The following WASF3 variants were observed in gnomAD, a reference collection of about 807,000 sequenced individuals.
The protein encoded by WASF3 is actin-binding protein WASF3.
Under a neutral mutation model 46.6 loss-of-function variants are expected in WASF3, and 11 were observed. The ratio of observed to expected loss-of-function variants is 0.24; its 90% CI spans 0.15 to 0.39. The LOEUF (loss-of-function observed/expected upper bound fraction) is 0.39, where lower values mean the gene tolerates loss of function less well. Among genes scored for constraint, WASF3 ranks in the 10% least tolerant of loss-of-function variants. The pLI is 1.00. For missense variants in WASF3, 576 were observed against 669.8 expected, an observed-to-expected ratio of 0.86 and a Z score of 1.55; for synonymous variants, 242 against 259.7, an observed-to-expected ratio of 0.93 and a Z score of 0.65.
chr13:26,540,767 G>A, the WASF3 span, among the ~76,000 whole-genome samples: 1 of 151,912 alleles, frequency 6.6e-6, no homozygotes, highest in African/African-American at 2.4e-5. Context: ...CTCCCTCCCC[G>A]ACCTTACACG....
intron 2 of WASF3, among the ~76,000 whole-genome samples, chr13:26,616,482 T>C (rs950074411): frequency 1.3e-5 from 2 of 152,258 alleles, no homozygotes; most frequent in African/African-American, 4.8e-5. Flanking sequence ...TCAAGAATTC[T>C]TTATATATTC....
At chr13:26,541,769 C>G in the WASF3 span, among the ~76,000 whole-genome samples, 1 of 152,134 alleles carries the variant, frequency 6.6e-6, no homozygotes, top group Non-Finnish European at 1.5e-5. Context: ...AGGCATGAGC[C>G]ACTGTGCCTG....
rs566824736 is a variant in WASF3 at position 26,601,404 on chromosome 13, C to A, written c.-108-11557C>A. On this transcript the variant is annotated intron_variant, in intron 1 of 9. Coordinates refer to ENST00000335327, the MANE Select transcript of WASF3 (RefSeq NM_006646.6). ...GTCATTTAATCATTATTCCTGTGCT[C>A]AAGGTTCTACAGAGATGAGGCCTGC... Among the ~76,000 whole-genome samples the A allele has an allele frequency of 9.0e-3, 1,366 of 152,292 alleles. 11 individuals carry two copies. The highest frequency in any genetic ancestry group is 0.017 in the Middle Eastern group (5 of 294).
chr13:26,551,965 CAA>C, the WASF3 span, among the ~76,000 whole-genome samples: 1 of 152,012 alleles, frequency 6.6e-6, no homozygotes, highest in Non-Finnish European at 1.5e-5. Context: ...TGTCACAGCA[CAA>C]AAAGGGATGG....
At chr13:26,545,711 C>A in the WASF3 span, among the ~76,000 whole-genome samples, 1 of 152,106 alleles carries the variant, frequency 6.6e-6, no homozygotes, top group African/African-American at 2.4e-5. Context: ...GCTCAAGTAT[C>A]CCCTTGCCTC....
intron 1 of WASF3, among the ~76,000 whole-genome samples, chr13:26,559,877 G>T (rs1386643210): frequency 7.3e-6 from 1 of 136,072 alleles, no homozygotes; most frequent in Non-Finnish European, 1.5e-5. Context: ...GAGTGCAGTG[G>T]TGTGATCTCG....
upstream of WASF3, among the ~76,000 whole-genome samples, chr13:26,554,143 C>CTTTCTTTCTTTCTTTCTTT: frequency 7.1e-6 from 1 of 140,566 alleles, no homozygotes; most frequent in Non-Finnish European, 1.5e-5. Flanking sequence ...TTCTTTCTTT[C>CTTTCTTTCTTTCTTTCTTT]TTTGACAGAG....
intron 1 of WASF3, among the ~76,000 whole-genome samples, chr13:26,567,127 C>T (rs771134189): frequency 1.6e-4 from 24 of 152,136 alleles, no homozygotes; most frequent in Non-Finnish European, 4.4e-5. Flanking sequence ...CAATCAAAAA[C>T]AATTCTGTGG....
In WASF3 at chr13:26,679,254, CCCT is replaced by C. The variant is rs1566073467; in HGVS notation, c.717-1787_717-1785del. 1.3e-5 allele frequency among the ~76,000 whole-genome samples: 2 copies of C among 152,070 alleles called. No individual in the cohort carries two copies. The highest frequency in any genetic ancestry group is 2.1e-4 in the South Asian group (1 of 4,810). ...TCATCTCCAACAGCTGCCTGCTCCT[CCCT>C]CCTCCTCCTCCTGCCTGCTGGCACA... On this transcript the variant is annotated intron_variant, in intron 7 of 9. Coordinates refer to ENST00000335327, the MANE Select transcript of WASF3 (RefSeq NM_006646.6). The surrounding 1 kb of genome is among the most constrained non-coding windows in gnomAD (Gnocchi z 4.8).
intron 1 of WASF3, among the ~76,000 whole-genome samples, chr13:26,582,402 A>C (rs575679633): frequency 1.3e-5 from 2 of 152,234 alleles, no homozygotes; most frequent in South Asian, 4.2e-4. Context: ...CGGGCCGGGC[A>C]CGGTGGCTCA....
upstream of WASF3, among the ~76,000 whole-genome samples, chr13:26,554,030 T>C (rs4769501): frequency 0.076 from 5,441 of 71,184 alleles, 984 homozygotes; most frequent in African/African-American, 0.13. Flanking sequence ...TCCTTCCTTC[T>C]TTCTCTTTCT....
intron 2 of WASF3, among the ~76,000 whole-genome samples, chr13:26,626,571 C>A (rs1881468535): frequency 1.3e-5 from 2 of 152,040 alleles, no homozygotes; most frequent in Non-Finnish European, 2.9e-5. Flanking sequence ...GATCTAAACA[C>A]CCTAGTTAAA....
chr13:26,573,362 T>G (rs1415822166), intron 1 of WASF3, among the ~76,000 whole-genome samples: 3 of 149,842 alleles, frequency 2.0e-5, no homozygotes, highest in South Asian at 2.1e-4. Context: ...TTTATTTCAG[T>G]TTTTTTTGAG....
At chr13:26,542,128 G>C in the WASF3 span, among the ~76,000 whole-genome samples, 2 of 152,188 alleles carry the variant, frequency 1.3e-5, no homozygotes, top group Admixed American at 1.3e-4. Context: ...GAGATTTACT[G>C]CTTCAAAGGA....
chr13:26,598,501 A>G (rs1880543802), intron 1 of WASF3, among the ~76,000 whole-genome samples: 1 of 152,160 alleles, frequency 6.6e-6, no homozygotes, highest in Non-Finnish European at 1.5e-5. Context: ...AAGAACAAGA[A>G]AGACTGAGGA....
rs114189052 is a variant in WASF3, at chr13:26,581,369, G to A, written c.-109+23550G>A. On this transcript the variant is annotated intron_variant, in intron 1 of 9. Transcript: ENST00000335327. Reference sequence around the variant, plus strand: ...AATCTGACTATCCTCAGAAGATTTTGCAAATTTCATTTAAATTTAAGTTAA... The same window carrying A: ...AATCTGACTATCCTCAGAAGATTTTACAAATTTCATTTAAATTTAAGTTAA... 5.6e-3 allele frequency among the ~76,000 whole-genome samples: 859 copies of A among 152,042 alleles called. 8 individuals carry two copies. Among genetic ancestry groups the A allele is most frequent in the African/African-American group, 0.02 (817 of 41,490 alleles).
intron 2 of WASF3, among the ~76,000 whole-genome samples, chr13:26,615,009 G>A (rs186431607): frequency 8.9e-4 from 135 of 152,110 alleles, no homozygotes; most frequent in Non-Finnish European, 1.3e-3. Context: ...TGTTGGATGA[G>A]GGAATTCTCT....
intron 2 of WASF3, among the ~76,000 whole-genome samples, chr13:26,633,462 C>T (rs569150629): frequency 9.9e-4 from 151 of 152,242 alleles, no homozygotes; most frequent in African/African-American, 3.5e-3. Context: ...CCTCGGCCTC[C>T]CAAAGTGCTG....
intron 1 of WASF3, among the ~76,000 whole-genome samples, chr13:26,597,321 G>A (rs1234832595): frequency 6.6e-6 from 1 of 152,180 alleles, no homozygotes; most frequent in Non-Finnish European, 1.5e-5. Context: ...TTTTAGTAGA[G>A]ATGGGGCTTC....
Sources: gnomAD v4.1 joint callset for allele counts (sites outside exome capture counted in the v4.1 genomes callset) on GRCh38, gnomAD v4.1.1 for gene constraint, Gnocchi (gnomAD v3.1) non-coding constraint, MANE v1.5 for transcripts, NCBI Gene and HGNC (gene_info 2026-07-23, HGNC 2026-07-21) for gene names.